Variants in CSMD1 observed in about 807,000 individuals in gnomAD.
CSMD1 encodes CUB and Sushi multiple domains 1, also known as CUB and sushi domain-containing protein 1.
Under a neutral mutation model 417.5 loss-of-function variants are expected in CSMD1, and 213 were observed. That is an observed-to-expected ratio of 0.51 (90% confidence interval 0.46 to 0.57). CSMD1 has a LOEUF of 0.57. Among genes scored for constraint, CSMD1 ranks in the 20% least tolerant of loss-of-function variants. CSMD1 has a pLI of 0.00. For synonymous variants in CSMD1, 2,862 were observed against 1,736.8 expected (o/e 1.65, Z -16.11); for missense variants, 6,923 against 4,529.7 (o/e 1.53, Z -15.17).
chr8:4,179,697 T>C (rs947109217), intron 3 of CSMD1, among the ~76,000 whole-genome samples: 5 of 151,996 alleles, frequency 3.3e-5, no homozygotes, highest in African/African-American at 1.2e-4. Flanking sequence ...AGGGCTAATA[T>C]CCAGAATCTA....
At chr8:3,729,152 T>C (rs1708243872) in intron 6 of CSMD1, among the ~76,000 whole-genome samples, 1 of 152,218 alleles carries the variant, frequency 6.6e-6, no homozygotes, top group Admixed American at 6.5e-5. Flanking sequence ...GTGGAACATT[T>C]AACTAACTCG....
chr8:4,600,801 C>T (rs996164538), intron 2 of CSMD1, among the ~76,000 whole-genome samples: 1 of 152,104 alleles, frequency 6.6e-6, no homozygotes, highest in African/African-American at 2.4e-5. Flanking sequence ...CGTAAGAAAT[C>T]AATCTCTCAA....
intron 12 of CSMD1, among the ~76,000 whole-genome samples, chr8:3,432,506 G>A (rs1814277740): frequency 7.0e-6 from 1 of 142,040 alleles, no homozygotes; most frequent in Non-Finnish European, 1.5e-5. Flanking sequence ...TTTCAATATG[G>A]GCTTTTTTTT....
At chr8:4,535,315 A>G (rs1225306979) in intron 2 of CSMD1, among the ~76,000 whole-genome samples, 2 of 152,182 alleles carry the variant, frequency 1.3e-5, no homozygotes, top group African/African-American at 2.4e-5. Flanking sequence ...CTGAAAAATA[A>G]TATGTAGTTA....
chr8:4,418,832 C>G (rs1797091449), intron 3 of CSMD1, among the ~76,000 whole-genome samples: 1 of 152,158 alleles, frequency 6.6e-6, no homozygotes, highest in African/African-American at 2.4e-5. Flanking sequence ...CCCTTTCCAG[C>G]CACTGACGCT....
At chr8:4,463,086 A>T (rs1799936549) in intron 2 of CSMD1, among the ~76,000 whole-genome samples, 1 of 152,220 alleles carries the variant, frequency 6.6e-6, no homozygotes, top group African/African-American at 2.4e-5. Flanking sequence ...GATCTCTTAA[A>T]ACTCAGCAAT....
chr8:3,793,205 T>C (rs1395475438), intron 5 of CSMD1, among the ~76,000 whole-genome samples: 2 of 152,172 alleles, frequency 1.3e-5, no homozygotes, highest in African/African-American at 4.8e-5. Flanking sequence ...GCAATTTTTC[T>C]CTCAACCGCT....
intron 2 of CSMD1, among the ~76,000 whole-genome samples, chr8:4,432,808 C>G (rs999007579): frequency 3.3e-5 from 5 of 152,146 alleles, no homozygotes; most frequent in African/African-American, 1.2e-4. Context: ...TGATTAGAAA[C>G]CAACCAACAA....
intron 1 of CSMD1, among the ~76,000 whole-genome samples, chr8:4,717,328 C>CATATATAT (rs753262975): frequency 1.5e-5 from 1 of 65,744 alleles, no homozygotes; most frequent in African/African-American, 1.4e-4. Flanking sequence ...TATATATATA[C>CATATATAT]ACACACACAC....
chr8:3,564,641 TTTA>T, intron 10 of CSMD1, among the ~76,000 whole-genome samples: 1 of 129,530 alleles, frequency 7.7e-6, no homozygotes, highest in East Asian at 2.2e-4. Flanking sequence ...AATAAATCTA[TTTA>T]GTTCTGAAAG....
intron 12 of CSMD1, among the ~76,000 whole-genome samples, chr8:3,456,418 C>A (rs1307317276): frequency 6.6e-6 from 1 of 152,082 alleles, no homozygotes; most frequent in Non-Finnish European, 1.5e-5. Context: ...TGGAGCTGTT[C>A]CTCTTTGGCC....
chr8:4,561,233 G>A (rs1344336700), intron 2 of CSMD1, among the ~76,000 whole-genome samples: 1 of 152,140 alleles, frequency 6.6e-6, no homozygotes, highest in African/African-American at 2.4e-5. Flanking sequence ...AAACAGTCAG[G>A]CGTGGTAGTG....
chr8:3,992,425 AT>A (rs941928769), intron 5 of CSMD1, among the ~76,000 whole-genome samples: 1 of 152,096 alleles, frequency 6.6e-6, no homozygotes, highest in South Asian at 2.1e-4. Flanking sequence ...TAAAACAAAA[AT>A]AAGTGTTGAG....
At chr8:3,588,144 T>C (rs1167861561) in intron 8 of CSMD1, among the ~76,000 whole-genome samples, 1 of 151,530 alleles carries the variant, frequency 6.6e-6, no homozygotes, top group Non-Finnish European at 1.5e-5. Flanking sequence ...GTTCTTTCTG[T>C]TTACCTACAT....
intron 7 of CSMD1, among the ~76,000 whole-genome samples, chr8:3,656,886 C>A (rs551066773): frequency 3.2e-4 from 48 of 151,448 alleles, no homozygotes; most frequent in African/African-American, 1.1e-3. Flanking sequence ...GATCACACCA[C>A]TGCACTCCAG....
chr8:3,670,338 C>T (rs1420637828), intron 7 of CSMD1, among the ~76,000 whole-genome samples: 1 of 151,894 alleles, frequency 6.6e-6, no homozygotes, highest in Non-Finnish European at 1.5e-5. Flanking sequence ...CCAAGTTCTT[C>T]TGTTTTGGGA....
At chr8:4,073,836 T>C (rs1799684913) in intron 3 of CSMD1, among the ~76,000 whole-genome samples, 1 of 152,202 alleles carries the variant, frequency 6.6e-6, no homozygotes, top group Non-Finnish European at 1.5e-5. Flanking sequence ...GCTTTGTTAA[T>C]AGTTGGGTTT....
chr8:3,648,861 G>T (rs1797708107), intron 7 of CSMD1, among the ~76,000 whole-genome samples: 1 of 152,280 alleles, frequency 6.6e-6, no homozygotes, highest in Non-Finnish European at 1.5e-5. Context: ...TACCAAGTGT[G>T]ACTCAGTTCA....
intron 2 of CSMD1, among the ~76,000 whole-genome samples, chr8:4,527,101 G>T (rs1426669784): frequency 6.6e-6 from 1 of 152,088 alleles, no homozygotes; most frequent in Non-Finnish European, 1.5e-5. Flanking sequence ...AGCTTCGGAG[G>T]ATTCTAACTT....
Sources: allele counts gnomAD v4.1 joint callset (sites outside exome capture counted in the v4.1 genomes callset), GRCh38; gene constraint gnomAD v4.1.1; transcripts MANE v1.5; gene names NCBI Gene and HGNC (gene_info 2026-07-23, HGNC 2026-07-21).